Variants in ACSL6 observed in about 807,000 individuals in gnomAD.
The protein encoded by ACSL6 is acyl-CoA synthetase long chain family member 6, also known as long-chain-fatty-acid--CoA ligase 6.
In ACSL6, 47 loss-of-function variants were observed where a neutral mutation model predicts 98.2. That is an observed-to-expected ratio of 0.48 (90% CI 0.38 to 0.61). ACSL6 has a LOEUF of 0.61. ACSL6 is among the 20% of genes least tolerant of loss of function. The probability of loss-of-function intolerance (pLI) is 0.00; values close to 1 mark genes in which losing one functional copy is unlikely to be tolerated. For synonymous variants in ACSL6, 362 were observed against 336.9 expected, an observed-to-expected ratio of 1.07 and a Z score of -0.82; for missense variants, 761 against 913.4, an observed-to-expected ratio of 0.83 and a Z score of 2.15.
chr5:131,965,026 C>T (rs149672923), intron 17 of ACSL6, among the ~76,000 whole-genome samples: 1 of 152,334 alleles, frequency 6.6e-6, no homozygotes, highest in African/African-American at 2.4e-5. Context: ...CTCCCCTAAG[C>T]AGAGTCCCTG....
At chr5:131,976,557 A>AT in intron 10 of ACSL6, 91 bp downstream of exon 10, 2 of 1,178,478 alleles carry the variant, frequency 1.7e-6, no homozygotes, top group Non-Finnish European at 2.4e-6. Flanking sequence ...AAAAAAAAAA[A>AT]GAAAAAGAAA....
chr5:131,973,035 T>C lies in ACSL6; in HGVS notation c.1204-177A>G, dbSNP rs930958358. Among the ~76,000 whole-genome samples, 3 of 152,234 alleles carry C rather than the reference T, an allele frequency of 2.0e-5. No homozygotes were observed. The East Asian group carries it at 5.8e-4, about 29-fold the overall frequency. ...GGTTAACACTGCCAGGGTCCAGGCA[T>C]GCTGTGAAGATGGAAGTTCCTGAAA... On this transcript the variant is annotated intron_variant, in intron 12 of 20. Transcript: ENST00000651883.
At chr5:131,965,085 G>C (rs778801402) in intron 17 of ACSL6, among the ~76,000 whole-genome samples, 6 of 152,180 alleles carry the variant, frequency 3.9e-5, no homozygotes, top group Non-Finnish European at 5.9e-5. Context: ...CAGGCATGAG[G>C]GTTTCTCAAA....
At chr5:132,006,713 CA>C (rs756614962) in intron 1 of ACSL6, 2 of 152,250 alleles carry the variant, frequency 1.3e-5, no homozygotes, top group Non-Finnish European at 2.9e-5. Flanking sequence ...CTCTCTTCCA[CA>C]AAACTGGTCA....
chr5:131,976,551 A>T, intron 10 of ACSL6, 97 bp downstream of exon 10: 12 of 1,181,860 alleles, frequency 1.0e-5, no homozygotes, highest in Non-Finnish European at 1.4e-5. Flanking sequence ...CAAGAAAAAA[A>T]AAAAAAGAAA....
intron 1 of ACSL6, among the ~76,000 whole-genome samples, chr5:131,997,138 A>G (rs974539846): frequency 1.3e-5 from 2 of 152,218 alleles, no homozygotes; most frequent in Non-Finnish European, 2.9e-5. Flanking sequence ...CAGTCACGGT[A>G]TTACCATGGT....
chr5:131,976,108 T>G (rs898075151), intron 10 of ACSL6: 1 of 985,470 alleles, frequency 1.0e-6, no homozygotes. Flanking sequence ...AAAGTCCTCC[T>G]TTGTTAGCCA....
rs1022204527 is a variant in ACSL6, at chr5:131,952,915, C to T, written c.*1319G>A. ...ACTATTTTCCCTGGAAATAATGTCC[C>T]CTCCTTCCCACCTTCTGCCTTGATA... On this transcript the variant is annotated 3_prime_UTR_variant, in exon 21 of 21. Transcript: ENST00000651883. The T allele has an allele frequency of 2.8e-5, 6 of 214,608 alleles. No homozygotes were observed. The highest frequency in any genetic ancestry group is 1.4e-4 in the African/African-American group (6 of 44,308). 13.3% of individuals were successfully genotyped at this position (214,608 alleles called of 1,614,324 possible). A position where few individuals can be genotyped will look rare whatever the true frequency, so the allele number is the denominator to read the frequency against.
chr5:131,981,095 G>T (rs1580661734), intron 9 of ACSL6, among the ~76,000 whole-genome samples: 1 of 151,920 alleles, frequency 6.6e-6, no homozygotes, highest in Non-Finnish European at 1.5e-5. Flanking sequence ...TCCTAGCAGG[G>T]CCATCTCCTC....
At chr5:131,995,071 G>A (rs748586540) in intron 1 of ACSL6, among the ~76,000 whole-genome samples, 2 of 152,160 alleles carry the variant, frequency 1.3e-5, no homozygotes, top group Non-Finnish European at 2.9e-5. Flanking sequence ...CTCCCCGGGG[G>A]ACCAACATCT....
At chr5:131,983,175 A>G (rs1021485724) in intron 9 of ACSL6, 26 of 152,344 alleles carry the variant, frequency 1.7e-4, no homozygotes, top group African/African-American at 6.0e-4. Context: ...TTACACCCAC[A>G]TATTATCTTT....
At chr5:131,964,061 C>T (rs1222323365) in intron 17 of ACSL6, among the ~76,000 whole-genome samples, 3 of 152,158 alleles carry the variant, frequency 2.0e-5, no homozygotes, top group Admixed American at 2.0e-4. Context: ...TTTTTAAAAG[C>T]ACAAATGTCT....
intron 15 of ACSL6, among the ~76,000 whole-genome samples, chr5:131,969,321 A>G (rs752780317): frequency 3.9e-5 from 6 of 152,256 alleles, no homozygotes; most frequent in Non-Finnish European, 7.3e-5. Context: ...GGCCAAGCTA[A>G]GTATAGAAGC....
intron 8 of ACSL6, among the ~76,000 whole-genome samples, chr5:131,985,692 G>A (rs1754140632): frequency 6.6e-6 from 1 of 152,226 alleles, no homozygotes. Context: ...ACACTAATCT[G>A]TCCCACCAAC....
intron 1 of ACSL6, among the ~76,000 whole-genome samples, chr5:132,008,616 C>G (rs1167068773): frequency 6.6e-6 from 1 of 152,214 alleles, no homozygotes. Flanking sequence ...CCAAATAAAA[C>G]CTTCTCCAGA....
At chr5:131,975,955 T>C (rs1000723445) in intron 10 of ACSL6, 1 of 985,330 alleles carries the variant, frequency 1.0e-6, no homozygotes, top group Admixed American at 6.1e-5. Flanking sequence ...CTACTAAGTG[T>C]TTGGGGCACA....
chr5:131,955,910 A>G (rs548111570), intron 20 of ACSL6, among the ~76,000 whole-genome samples: 1 of 152,344 alleles, frequency 6.6e-6, no homozygotes, highest in South Asian at 2.1e-4. Flanking sequence ...CTTTTCAAAA[A>G]AATTTCTTTC....
chr5:131,995,695 G>A (rs751557795), intron 1 of ACSL6, among the ~76,000 whole-genome samples: 83 of 152,288 alleles, frequency 5.5e-4, no homozygotes, highest in Non-Finnish European at 7.9e-4. Context: ...TCATGACACC[G>A]GAGATGAAGT....
intron 18 of ACSL6, among the ~76,000 whole-genome samples, chr5:131,962,168 C>T (rs1054005338): frequency 2.6e-5 from 4 of 152,000 alleles, no homozygotes; most frequent in African/African-American, 9.7e-5. Context: ...TGCCACTGTA[C>T]TCCAGCCTGG....
Sources: gnomAD v4.1 joint callset for allele counts (sites outside exome capture counted in the v4.1 genomes callset) on GRCh38, gnomAD v4.1.1 for gene constraint, MANE v1.5 for transcripts, NCBI Gene and HGNC (gene_info 2026-07-23, HGNC 2026-07-21) for gene names.